Variants in MAGI3 observed in about 807,000 individuals in gnomAD.
MAGI3 encodes the protein membrane-associated guanylate kinase, WW and PDZ domain-containing protein 3.
A neutral mutation model predicts 121.8 loss-of-function variants in MAGI3; 43 were observed. The ratio of observed to expected loss-of-function variants is 0.35; its 90% CI spans 0.28 to 0.46. MAGI3 has a LOEUF of 0.46. Ranked by LOEUF, MAGI3 falls within the 20% of genes least tolerant of loss-of-function variation. The pLI, the probability that MAGI3 is intolerant of heterozygous loss-of-function variation, is 1.00. For synonymous variants in MAGI3, 553 were observed against 639.3 expected (o/e 0.86, Z 2.04); for missense variants, 1,547 against 1,797.3 (o/e 0.86, Z 2.52).
chr1:113,559,897 AAG>A (rs1660152150), intron 2 of MAGI3, among the ~76,000 whole-genome samples: 1 of 152,128 alleles, frequency 6.6e-6, no homozygotes, highest in Non-Finnish European at 1.5e-5. Flanking sequence ...GGGACCTTCA[AAG>A]AGACTTAGAC....
At chr1:113,639,977 G>C (rs1281051519) in intron 9 of MAGI3, among the ~76,000 whole-genome samples, 1 of 152,190 alleles carries the variant, frequency 6.6e-6, no homozygotes, top group Non-Finnish European at 1.5e-5. Flanking sequence ...GCTGCGCCTG[G>C]CCTGAGCCAC....
intron 2 of MAGI3, among the ~76,000 whole-genome samples, chr1:113,575,099 CA>C (rs1343018318): frequency 6.6e-6 from 1 of 152,000 alleles, no homozygotes; most frequent in Non-Finnish European, 1.5e-5. Context: ...AACCTTTTAT[CA>C]ATGCTCTTAG....
At chr1:113,521,706 A>C (rs763429960) in intron 1 of MAGI3, among the ~76,000 whole-genome samples, 1 of 152,108 alleles carries the variant, frequency 6.6e-6, no homozygotes, top group Non-Finnish European at 1.5e-5. Flanking sequence ...GCACCCAGCC[A>C]CAGTTAGTGC....
intron 1 of MAGI3, among the ~76,000 whole-genome samples, chr1:113,447,711 A>G (rs7523209): frequency 0.79 from 120,079 of 152,098 alleles, 47,867 homozygotes; most frequent in African/African-American, 0.91. Flanking sequence ...AAAATTAGCC[A>G]TGCATGGTGG....
chr1:113,396,452 C>T (rs1425434280), intron 1 of MAGI3, among the ~76,000 whole-genome samples: 1 of 151,864 alleles, frequency 6.6e-6, no homozygotes, highest in Non-Finnish European at 1.5e-5. Flanking sequence ...GAGTGAATGC[C>T]CTGAATTTAA....
At chr1:113,523,334 G>A (rs933594498) in intron 1 of MAGI3, among the ~76,000 whole-genome samples, 9 of 152,212 alleles carry the variant, frequency 5.9e-5, no homozygotes, top group East Asian at 1.9e-4. Context: ...ATGTGGAAGT[G>A]ACGTTGGAAC....
chr1:113,456,965 TTA>T lies in MAGI3; in HGVS notation c.316+65620_316+65621del, dbSNP rs1345512622. 3.9e-5 allele frequency among the ~76,000 whole-genome samples: 6 copies of T among 152,248 alleles called. No individual in the cohort carries two copies. In the East Asian group the frequency reaches 1.2e-3, roughly 29 times the overall value. The stretch of plus-strand genomic sequence containing the variant: ...TCCCATTTATTTGCAGGCCGATTGG[TTA>T]TATCTAGAAACCAAAGAGAAAATTA... On this transcript the variant is annotated intron_variant, in intron 1 of 20. Coordinates refer to ENST00000307546, the MANE Select transcript of MAGI3 (RefSeq NM_001142782.2).
At chr1:113,540,131 GA>G (rs947787588) in intron 1 of MAGI3, among the ~76,000 whole-genome samples, 2 of 152,136 alleles carry the variant, frequency 1.3e-5, no homozygotes, top group East Asian at 1.9e-4. Flanking sequence ...GTTGCTTAGT[GA>G]AAGGGTTTGT....
intron 1 of MAGI3, among the ~76,000 whole-genome samples, chr1:113,443,575 G>A (rs1654020784): frequency 6.6e-6 from 1 of 152,146 alleles, no homozygotes; most frequent in Non-Finnish European, 1.5e-5. Flanking sequence ...CATTTATGAT[G>A]CTTAGAATGT....
chr1:113,464,628 G>A (rs1428572093), intron 1 of MAGI3, among the ~76,000 whole-genome samples: 1 of 152,092 alleles, frequency 6.6e-6, no homozygotes, highest in Non-Finnish European at 1.5e-5. Context: ...ATGTATAAGG[G>A]TTCCCCTTTG....
At chr1:113,574,155 A>C (rs1260887727) in intron 2 of MAGI3, among the ~76,000 whole-genome samples, 1 of 152,114 alleles carries the variant, frequency 6.6e-6, no homozygotes, top group Non-Finnish European at 1.5e-5. Context: ...CCAATTTGCC[A>C]GTCTGTGTCT....
intron 1 of MAGI3, among the ~76,000 whole-genome samples, chr1:113,460,090 TC>T (rs879851367): frequency 6.6e-6 from 1 of 152,218 alleles, no homozygotes; most frequent in African/African-American, 2.4e-5. Context: ...GTAGGCTTCA[TC>T]CCTGGGATGC....
intron 1 of MAGI3, among the ~76,000 whole-genome samples, chr1:113,524,631 T>C (rs1184956042): frequency 6.6e-6 from 1 of 152,148 alleles, no homozygotes; most frequent in Non-Finnish European, 1.5e-5. Context: ...CCAATGCCTG[T>C]ATCCCCATTG....
chr1:113,411,194 A>C lies in MAGI3; in HGVS notation c.316+19845A>C, dbSNP rs924001980. 1.1e-4 allele frequency among the ~76,000 whole-genome samples: 16 copies of C among 152,242 alleles called. 1 individual carries two copies. The East Asian group carries it at 2.9e-3, about 28-fold the overall frequency. ...GACAGATGTAAAACATTAATATATA[A>C]TTTATTCTTAGCAACTTAATCTGTT... On this transcript the variant is annotated intron_variant, in intron 1 of 20. Coordinates refer to ENST00000307546, the MANE Select transcript of MAGI3 (RefSeq NM_001142782.2).
At chr1:113,406,397 A>G (rs1651683886) in intron 1 of MAGI3, among the ~76,000 whole-genome samples, 1 of 151,132 alleles carries the variant, frequency 6.6e-6, no homozygotes, top group Non-Finnish European at 1.5e-5. Flanking sequence ...GCAGTAAATT[A>G]TGATCGTGCT....
rs1479718092 is a variant in MAGI3, at chr1:113,412,974, C to A, written c.316+21625C>A. Among the ~76,000 whole-genome samples, 6 of 152,058 alleles carry A rather than the reference C, an allele frequency of 3.9e-5. No individual in the cohort carries two copies. In the South Asian group the frequency reaches 1.0e-3, roughly 26 times the overall value. On this transcript the variant is annotated intron_variant, in intron 1 of 20. Coordinates refer to ENST00000307546, the MANE Select transcript of MAGI3 (RefSeq NM_001142782.2). ...GCCCATGCCTATGTCCTGAATGGTA[C>A]TGCCTAGGTTTTCTTCTAGGGTTTT...
chr1:113,557,620 C>T lies in MAGI3; in HGVS notation c.433+7989C>T, dbSNP rs1428246286. On this transcript the variant is annotated intron_variant, in intron 2 of 20. Coordinates refer to ENST00000307546, the MANE Select transcript of MAGI3 (RefSeq NM_001142782.2). Reference sequence around the variant, plus strand: ...GGGGTGGGCAAGCTGCCACCTTGGCCGTTTGGGCTCGTCAACGGGTCCAAC... The same window carrying T: ...GGGGTGGGCAAGCTGCCACCTTGGCTGTTTGGGCTCGTCAACGGGTCCAAC... Among the ~76,000 whole-genome samples the T allele has an allele frequency of 5.3e-5, 8 of 152,242 alleles. No homozygotes were observed. In the East Asian group the frequency reaches 1.2e-3, roughly 22 times the overall value.
chr1:113,550,438 A>G (rs890379208), intron 2 of MAGI3, among the ~76,000 whole-genome samples: 1 of 151,624 alleles, frequency 6.6e-6, no homozygotes, highest in Non-Finnish European at 1.5e-5. Context: ...TAGAAAGTAG[A>G]AAAACTGGAA....
chr1:113,489,127 A>C (rs898726879), intron 1 of MAGI3, among the ~76,000 whole-genome samples: 1 of 151,328 alleles, frequency 6.6e-6, no homozygotes, highest in South Asian at 2.1e-4. Flanking sequence ...CATTCACACC[A>C]CCTATCAGAG....
Sources: gnomAD v4.1 joint callset for allele counts (sites outside exome capture counted in the v4.1 genomes callset) on GRCh38, gnomAD v4.1.1 for gene constraint, MANE v1.5 for transcripts, NCBI Gene and HGNC (gene_info 2026-07-23, HGNC 2026-07-21) for gene names.